Variants in DACH2 observed in about 807,000 individuals in gnomAD.
The protein encoded by DACH2 is dachshund homolog 2.
DACH2 carries 17 observed loss-of-function variants against 35.8 expected under a neutral mutation model. The observed-to-expected ratio is 0.48, with a 90% CI of 0.33 to 0.71. DACH2 has a LOEUF of 0.71. Ranked by LOEUF, DACH2 falls within the 30% of genes least tolerant of loss-of-function variation. The probability of loss-of-function intolerance (pLI) is 0.02; values close to 1 mark genes in which losing one functional copy is unlikely to be tolerated. For missense variants in DACH2, 469 were observed against 472.7 expected (o/e 0.99, Z 0.07); for synonymous variants, 195 against 177.3 (o/e 1.10, Z -0.79).
intron 1 of DACH2, among the ~76,000 whole-genome samples, chrX:86,202,783 A>G (rs915955770): frequency 3.6e-5 from 4 of 111,162 alleles, no homozygotes; most frequent in African/African-American, 1.3e-4. Flanking sequence ...GATTTGTTTG[A>G]GAACTATCGC....
chrX:86,667,541 GAAAGAAGAAAGAAAGAAAGAAAGA>G (rs1569463640), intron 4 of DACH2, among the ~76,000 whole-genome samples: 22 of 45,589 alleles, frequency 4.8e-4, no homozygotes, highest in African/African-American at 1.4e-3. Flanking sequence ...AAGAAAGAAA[GAAAGAAGAAAGAAAGAAAGAAAGA>G]AAGAAAGAAA....
chrX:86,405,832 G>A (rs909833248), intron 2 of DACH2, among the ~76,000 whole-genome samples: 3 of 111,835 alleles, frequency 2.7e-5, no homozygotes, highest in Non-Finnish European at 5.6e-5. Flanking sequence ...TTGATTCACA[G>A]TTCCAGAGGT....
chrX:86,432,547 G>A (rs1286576915), intron 2 of DACH2, among the ~76,000 whole-genome samples: 1 of 111,879 alleles, frequency 8.9e-6, no homozygotes, highest in African/African-American at 3.2e-5. Context: ...GAAGAACACT[G>A]AGGTGTTTCA....
chrX:86,191,888 C>A lies in DACH2; in HGVS notation c.488+42780C>A, dbSNP rs767903294. Among the ~76,000 whole-genome samples, 8 of 111,545 alleles carry A rather than the reference C, an allele frequency of 7.2e-5. No homozygotes were observed. The South Asian group carries it at 2.3e-3, about 32-fold the overall frequency. On this transcript the variant is annotated intron_variant, in intron 1 of 11. Coordinates refer to ENST00000373125, the MANE Select transcript of DACH2 (RefSeq NM_053281.3). ...CCCAAGAGGCGGAGGTTTCAGTGAG[C>A]CGAGATTGCGCCACTGCACTCCAGA...
chrX:86,503,629 C>T (rs1041261703), intron 2 of DACH2, among the ~76,000 whole-genome samples: 1 of 111,824 alleles, frequency 8.9e-6, no homozygotes, highest in Middle Eastern at 4.6e-3. Flanking sequence ...AATTGCAAAA[C>T]ATTCCATGGT....
At chrX:86,464,371 G>A (rs762991151) in intron 2 of DACH2, among the ~76,000 whole-genome samples, 1 of 111,238 alleles carries the variant, frequency 9.0e-6, no homozygotes, top group African/African-American at 3.3e-5. Context: ...CCTTTGCAGG[G>A]ACATGGATGA....
intron 1 of DACH2, among the ~76,000 whole-genome samples, chrX:86,152,583 G>A (rs145983296): frequency 0.015 from 1,638 of 111,644 alleles, 22 homozygotes; most frequent in African/African-American, 0.049. Flanking sequence ...TGCTTCAACT[G>A]CTAGAGAGGT....
chrX:86,509,467 C>T (rs1244766453), intron 2 of DACH2, among the ~76,000 whole-genome samples: 1 of 111,614 alleles, frequency 9.0e-6, no homozygotes, highest in East Asian at 2.8e-4. Context: ...TTGGTTGCTG[C>T]TGCCTTTGAT....
chrX:86,531,158 G>A (rs1257743129), intron 3 of DACH2, among the ~76,000 whole-genome samples: 1 of 112,057 alleles, frequency 8.9e-6, no homozygotes, highest in Non-Finnish European at 1.9e-5. Context: ...GTGATTAAAA[G>A]CGAAGTAGAG....
intron 2 of DACH2, among the ~76,000 whole-genome samples, chrX:86,385,626 A>AT (rs746494316): frequency 9.0e-6 from 1 of 111,189 alleles, no homozygotes; most frequent in Non-Finnish European, 1.9e-5. Context: ...GCATCCATAG[A>AT]TTTTTGTATC....
chrX:86,664,245 A>G (rs183013257), intron 4 of DACH2, among the ~76,000 whole-genome samples: 5 of 110,769 alleles, frequency 4.5e-5, no homozygotes, highest in East Asian at 2.8e-4. Flanking sequence ...TGAAGTTAAC[A>G]TGCATTATTT....
chrX:86,211,587 G>A (rs2032446870), intron 1 of DACH2, among the ~76,000 whole-genome samples: 1 of 111,228 alleles, frequency 9.0e-6, no homozygotes, highest in Non-Finnish European at 1.9e-5. Context: ...TAAAGAAAAG[G>A]AGGTCAAAAG....
At chrX:86,499,347 A>G (rs1400985704) in intron 2 of DACH2, among the ~76,000 whole-genome samples, 1 of 111,518 alleles carries the variant, frequency 9.0e-6, no homozygotes, top group African/African-American at 3.3e-5. Flanking sequence ...AATCATTCCA[A>G]TTGATATTCC....
intron 1 of DACH2, among the ~76,000 whole-genome samples, chrX:86,167,443 C>G (rs770571558): frequency 1.9e-5 from 2 of 106,676 alleles, no homozygotes; most frequent in Non-Finnish European, 3.8e-5. Context: ...GGGATTTTCT[C>G]TCTTTTTTTC....
At chrX:86,603,661 A>C (rs1239322726) in intron 3 of DACH2, among the ~76,000 whole-genome samples, 1 of 111,071 alleles carries the variant, frequency 9.0e-6, no homozygotes, top group Non-Finnish European at 1.9e-5. Context: ...TTTTACTATA[A>C]ATTTTATACT....
At chrX:86,299,321 G>T (rs1187114125) in intron 1 of DACH2, among the ~76,000 whole-genome samples, 2 of 111,368 alleles carry the variant, frequency 1.8e-5, no homozygotes, top group Non-Finnish European at 3.8e-5. Flanking sequence ...ACACTGTGAT[G>T]CAGTTCTCTC....
At chrX:86,513,638 C>T (rs1013359379) in intron 2 of DACH2, among the ~76,000 whole-genome samples, 8 of 111,973 alleles carry the variant, frequency 7.1e-5, no homozygotes, top group Non-Finnish European at 1.3e-4. Flanking sequence ...CCAATCAATC[C>T]GAGAGAAAAG....
intron 6 of DACH2, among the ~76,000 whole-genome samples, chrX:86,734,165 A>G (rs1402671580): frequency 9.0e-6 from 1 of 110,911 alleles, no homozygotes; most frequent in Non-Finnish European, 1.9e-5. Context: ...TTTCCAGGAC[A>G]AGTTCATCAC....
chrX:86,468,240 T>C (rs2037705872), intron 2 of DACH2, among the ~76,000 whole-genome samples: 1 of 111,555 alleles, frequency 9.0e-6, no homozygotes, highest in South Asian at 3.7e-4. Flanking sequence ...AAAGAAAATA[T>C]TATGAAATAT....
Sources: gnomAD v4.1 joint callset for allele counts (sites outside exome capture counted in the v4.1 genomes callset) on GRCh38, gnomAD v4.1.1 for gene constraint, MANE v1.5 for transcripts, NCBI Gene and HGNC (gene_info 2026-07-23, HGNC 2026-07-21) for gene names.